The following SNTB2 variants were observed in gnomAD, a reference collection of about 807,000 sequenced individuals.
SNTB2 encodes beta-2-syntrophin.
Under a neutral mutation model 46.2 loss-of-function variants are expected in SNTB2, and 34 were observed. The observed-to-expected ratio is 0.74, with a 90% CI of 0.56 to 0.98. SNTB2 has a LOEUF of 0.98. SNTB2 is among the 50% of genes least tolerant of loss of function. The pLI is 0.00. For synonymous variants in SNTB2, 290 were observed against 312.6 expected (o/e 0.93, Z 0.76); for missense variants, 603 against 731.4 (o/e 0.82, Z 2.02).
intron 2 of SNTB2, among the ~76,000 whole-genome samples, chr16:69,252,903 G>GTTT (rs35211076): frequency 3.8e-5 from 5 of 133,288 alleles, no homozygotes; most frequent in African/African-American, 5.5e-5. Flanking sequence ...CCCTTTGTCA[G>GTTT]TTTTTTTTTT....
At chr16:69,241,505 G>A (rs564682062) in intron 1 of SNTB2, among the ~76,000 whole-genome samples, 1 of 150,946 alleles carries the variant, frequency 6.6e-6, no homozygotes, top group Non-Finnish European at 1.5e-5. Flanking sequence ...AAAAGCCAGG[G>A]TGGGCGTGGT....
rs753364982 is a variant in SNTB2 at position 69,187,761 on chromosome 16, G to T, written c.580+15G>T. On this transcript the variant is annotated intron_variant, in intron 1 of 6. Transcript: ENST00000336278. ...GCTGCTGGAGGGTGAGCGGGGCCGG[G>T]CGGGAGGGTGGGCAGGCCGCGGCGG... 7.2e-7 allele frequency: 1 copy of T among 1,385,012 alleles called. No individual in the cohort carries two copies. Among genetic ancestry groups the T allele is most frequent in the Non-Finnish European group, 9.4e-7 (1 of 1,066,892 alleles). The allele number at this position is 1,385,012 out of a possible 1,614,324, so 85.8% of individuals were successfully genotyped here. A position where few individuals can be genotyped will look rare whatever the true frequency, so the allele number is the denominator to read the frequency against.
At chr16:69,253,706 T>C (rs1288564020) in intron 2 of SNTB2, among the ~76,000 whole-genome samples, 1 of 152,150 alleles carries the variant, frequency 6.6e-6, no homozygotes, top group Non-Finnish European at 1.5e-5. Context: ...TAACTCACTA[T>C]CTATTCTCAT....
intron 3 of SNTB2, among the ~76,000 whole-genome samples, chr16:69,267,627 T>C (rs1012692892): frequency 2.0e-5 from 3 of 152,246 alleles, no homozygotes; most frequent in African/African-American, 7.2e-5. Flanking sequence ...AGGTTTTGTT[T>C]TTTTTGCTTT....
Position 69,187,760 on chromosome 16 carries a change from G to T in SNTB2, c.580+14G>T. 1 of 1,399,024 alleles carries T rather than the reference G, an allele frequency of 7.1e-7. No individual in the cohort carries two copies. Among genetic ancestry groups the T allele is most frequent in the Non-Finnish European group, 9.3e-7 (1 of 1,077,308 alleles). 86.7% of individuals were successfully genotyped at this position (1,399,024 alleles called of 1,614,324 possible). On this transcript the variant is annotated intron_variant, in intron 1 of 6. Coordinates refer to ENST00000336278, the MANE Select transcript of SNTB2 (RefSeq NM_006750.4). ...TGCTGCTGGAGGGTGAGCGGGGCCG[G>T]GCGGGAGGGTGGGCAGGCCGCGGCG...
chr16:69,288,226 TG>T (rs1316998001), intron 5 of SNTB2, among the ~76,000 whole-genome samples: 2 of 152,124 alleles, frequency 1.3e-5, no homozygotes, highest in Admixed American at 1.3e-4. Context: ...GAGTGCAACT[TG>T]GATTTTCAGC....
At chr16:69,205,278 T>C (rs947711924) in intron 1 of SNTB2, among the ~76,000 whole-genome samples, 5 of 151,410 alleles carry the variant, frequency 3.3e-5, no homozygotes, top group Non-Finnish European at 7.4e-5. Flanking sequence ...GCCTTCCAAG[T>C]AGCTAGGACT....
chr16:69,195,986 A>G (rs958756104), intron 1 of SNTB2, among the ~76,000 whole-genome samples: 1 of 152,180 alleles, frequency 6.6e-6, no homozygotes, highest in Non-Finnish European at 1.5e-5. Flanking sequence ...CACACCTGTA[A>G]TCCCAGCACT....
intron 1 of SNTB2, among the ~76,000 whole-genome samples, chr16:69,243,127 T>G (rs1338864100): frequency 6.6e-6 from 1 of 152,066 alleles, no homozygotes; most frequent in African/African-American, 2.4e-5. Flanking sequence ...AATTAAATTA[T>G]TTTGAGGATT....
intron 1 of SNTB2, among the ~76,000 whole-genome samples, chr16:69,210,562 C>T (rs1011036206): frequency 1.4e-5 from 2 of 142,212 alleles, no homozygotes; most frequent in Non-Finnish European, 3.1e-5. Flanking sequence ...GAGACAGGCT[C>T]TTGCTCTGTT....
chr16:69,247,192 G>C (rs1964679237), intron 2 of SNTB2, among the ~76,000 whole-genome samples: 1 of 151,940 alleles, frequency 6.6e-6, no homozygotes, highest in African/African-American at 2.4e-5. Context: ...GAATCAACCA[G>C]CAGTGTGACT....
intron 2 of SNTB2, 119 bp downstream of exon 2, chr16:69,245,934 A>G: frequency 9.4e-7 from 1 of 1,064,946 alleles, no homozygotes; most frequent in Non-Finnish European, 1.4e-6. Context: ...CTGAGGTGAG[A>G]GATGCATTTT....
chr16:69,296,312 C>T (rs1013826260), intron 5 of SNTB2, among the ~76,000 whole-genome samples: 1 of 151,998 alleles, frequency 6.6e-6, no homozygotes, highest in Non-Finnish European at 1.5e-5. Context: ...CTAAAACAAG[C>T]TCAATATCTA....
intron 1 of SNTB2, among the ~76,000 whole-genome samples, chr16:69,236,598 A>G (rs912474504): frequency 6.6e-6 from 1 of 152,048 alleles, no homozygotes; most frequent in Non-Finnish European, 1.5e-5. Context: ...CAATGTGAAT[A>G]CTTAATGCAC....
chr16:69,198,117 T>G (rs554121396), intron 1 of SNTB2, among the ~76,000 whole-genome samples: 5,256 of 135,230 alleles, frequency 0.039, 69 homozygotes, highest in Non-Finnish European at 0.061. Flanking sequence ...TTTTTTTTTT[T>G]TGGGGGGTAG....
intron 2 of SNTB2, among the ~76,000 whole-genome samples, chr16:69,251,722 G>A (rs894800774): frequency 6.6e-6 from 1 of 152,090 alleles, no homozygotes; most frequent in Non-Finnish European, 1.5e-5. Flanking sequence ...AGGTTGTGGT[G>A]AGCTGAGATC....
chr16:69,245,504 A>G, intron 1 of SNTB2, 98 bp from the exon 2 acceptor site: 2 of 1,221,962 alleles, frequency 1.6e-6, no homozygotes, highest in South Asian at 1.3e-5. Context: ...TCTTTCCTCC[A>G]CTTTGTTATA....
chr16:69,212,105 T>G (rs1029190785), intron 1 of SNTB2, among the ~76,000 whole-genome samples: 1 of 152,170 alleles, frequency 6.6e-6, no homozygotes, highest in Admixed American at 6.6e-5. Flanking sequence ...CCCTACACTC[T>G]AGCCTTTCCT....
At chr16:69,210,382 C>T (rs1022168279) in intron 1 of SNTB2, among the ~76,000 whole-genome samples, 2 of 151,582 alleles carry the variant, frequency 1.3e-5, no homozygotes, top group Non-Finnish European at 2.9e-5. Flanking sequence ...GGATTACAGG[C>T]ACGTGCTGCC....
Sources: allele counts gnomAD v4.1 joint callset (sites outside exome capture counted in the v4.1 genomes callset), GRCh38; gene constraint gnomAD v4.1.1; transcripts MANE v1.5; gene names NCBI Gene and HGNC (gene_info 2026-07-23, HGNC 2026-07-21).